The following MGAT4C variants were observed in gnomAD, a reference collection of about 807,000 sequenced individuals.
MGAT4C encodes alpha-1,3-mannosyl-glycoprotein 4-beta-N-acetylglucosaminyltransferase C.
Under a neutral mutation model 40.1 loss-of-function variants are expected in MGAT4C, and 19 were observed. The observed-to-expected ratio is 0.47, with a 90% CI of 0.33 to 0.70. The LOEUF is 0.70. MGAT4C is among the 30% of genes least tolerant of loss of function. The pLI is 0.02. For missense variants in MGAT4C, 491 were observed against 563.2 expected, an observed-to-expected ratio of 0.87 and a Z score of 1.30; for synonymous variants, 181 against 187.1, an observed-to-expected ratio of 0.97 and a Z score of 0.27.
intron 1 of MGAT4C, among the ~76,000 whole-genome samples, chr12:86,219,638 C>A (rs1031535821): frequency 2.0e-5 from 3 of 152,134 alleles, no homozygotes. Flanking sequence ...TGATAGAGGT[C>A]ATCATTTCAC....
At chr12:86,052,209 T>C (rs1255879176) in intron 1 of MGAT4C, among the ~76,000 whole-genome samples, 2 of 151,530 alleles carry the variant, frequency 1.3e-5, no homozygotes, top group Non-Finnish European at 3.0e-5. Flanking sequence ...GTTTAAAAAA[T>C]TTCAGATTAA....
intron 2 of MGAT4C, among the ~76,000 whole-genome samples, chr12:86,678,737 T>G (rs929905806): frequency 1.1e-4 from 16 of 152,102 alleles, no homozygotes; most frequent in Non-Finnish European, 2.4e-4. Context: ...ATTTCATCCA[T>G]GTCCCTACAA....
intron 1 of MGAT4C, among the ~76,000 whole-genome samples, chr12:86,217,026 C>T (rs1046089345): frequency 3.9e-5 from 6 of 152,040 alleles, no homozygotes; most frequent in African/African-American, 1.2e-4. Context: ...GATTTCCTCC[C>T]TATAGCACAA....
At chr12:86,465,266 A>G (rs1288170296) in intron 2 of MGAT4C, among the ~76,000 whole-genome samples, 1 of 152,212 alleles carries the variant, frequency 6.6e-6, no homozygotes, top group Non-Finnish European at 1.5e-5. Flanking sequence ...GCAAAACTAT[A>G]AAACTCCTAG....
chr12:86,245,935 C>T (rs1371661385), intron 1 of MGAT4C, among the ~76,000 whole-genome samples: 2 of 152,002 alleles, frequency 1.3e-5, no homozygotes, highest in Non-Finnish European at 2.9e-5. Flanking sequence ...AATTTTAAAA[C>T]AAAAGTTTAC....
intron 2 of MGAT4C, among the ~76,000 whole-genome samples, chr12:86,464,533 T>A (rs1433862475): frequency 1.3e-5 from 2 of 152,178 alleles, no homozygotes; most frequent in African/African-American, 4.8e-5. Flanking sequence ...CACTAAAGTT[T>A]TGCTTTGATG....
chr12:86,238,831 CA>C (rs1951658541), intron 1 of MGAT4C, among the ~76,000 whole-genome samples: 1 of 151,922 alleles, frequency 6.6e-6, no homozygotes, highest in Non-Finnish European at 1.5e-5. Flanking sequence ...AAGTATTATG[CA>C]AACTCATAGT....
intron 1 of MGAT4C, among the ~76,000 whole-genome samples, chr12:86,094,259 A>G (rs1481786038): frequency 1.3e-5 from 2 of 152,176 alleles, no homozygotes; most frequent in Non-Finnish European, 2.9e-5. Flanking sequence ...ATTGGCCAAA[A>G]AAAGGAACTG....
chr12:86,709,533 A>T (rs1950521332), intron 2 of MGAT4C, among the ~76,000 whole-genome samples: 2 of 152,108 alleles, frequency 1.3e-5, no homozygotes, highest in South Asian at 4.1e-4. Flanking sequence ...TACTGTAAGC[A>T]TATATAGAAG....
chr12:86,338,063 G>A (rs2136180519), intron 3 of MGAT4C, among the ~76,000 whole-genome samples: 1 of 152,232 alleles, frequency 6.6e-6, no homozygotes, highest in East Asian at 1.9e-4. Context: ...ACCAAGACAG[G>A]GGAATTGCAA....
intron 2 of MGAT4C, among the ~76,000 whole-genome samples, chr12:86,625,313 A>G (rs1412609640): frequency 6.6e-6 from 1 of 152,124 alleles, no homozygotes. Flanking sequence ...CTTGAGTAGT[A>G]TTTTTATTGC....
chr12:86,637,007 G>GT (rs1364566550), intron 2 of MGAT4C, among the ~76,000 whole-genome samples: 13 of 151,762 alleles, frequency 8.6e-5, no homozygotes, highest in Admixed American at 8.6e-4. Context: ...GACATATCCT[G>GT]TTTTTTGTCC....
intron 2 of MGAT4C, among the ~76,000 whole-genome samples, chr12:86,510,778 C>G (rs1363117652): frequency 6.6e-6 from 1 of 152,156 alleles, no homozygotes; most frequent in East Asian, 1.9e-4. Flanking sequence ...ATCAATTCAA[C>G]AAGAAGAGCT....
At chr12:86,245,449 A>G (rs1951986093) in intron 1 of MGAT4C, among the ~76,000 whole-genome samples, 1 of 152,036 alleles carries the variant, frequency 6.6e-6, no homozygotes, top group African/African-American at 2.4e-5. Context: ...GAACTTCGTT[A>G]TATTTTGGCC....
At chr12:86,513,727 A>C (rs996802697) in intron 2 of MGAT4C, among the ~76,000 whole-genome samples, 16 of 152,108 alleles carry the variant, frequency 1.1e-4, no homozygotes, top group African/African-American at 3.6e-4. Flanking sequence ...AAATGGCCAA[A>C]ATCAACTTTT....
At chr12:86,647,793 G>A (rs978339292) in intron 2 of MGAT4C, among the ~76,000 whole-genome samples, 6 of 151,940 alleles carry the variant, frequency 3.9e-5, no homozygotes, top group African/African-American at 1.2e-4. Flanking sequence ...CCTAATGAAC[G>A]TTTATCAGCA....
chr12:86,488,608 G>A (rs1188865942), intron 2 of MGAT4C, among the ~76,000 whole-genome samples: 2 of 151,910 alleles, frequency 1.3e-5, no homozygotes, highest in Admixed American at 1.3e-4. Flanking sequence ...GAGTTTCAGT[G>A]GTCTTCAGTT....
At chr12:86,737,763 A>T (rs1951010119) in intron 1 of MGAT4C, among the ~76,000 whole-genome samples, 1 of 151,488 alleles carries the variant, frequency 6.6e-6, no homozygotes, top group South Asian at 2.1e-4. Context: ...CAGTTAAAAA[A>T]AAAACAGACT....
chr12:86,536,851 A>T (rs1232051562), intron 2 of MGAT4C, among the ~76,000 whole-genome samples: 8 of 152,258 alleles, frequency 5.3e-5, no homozygotes, highest in Admixed American at 5.2e-4. Flanking sequence ...CATTTGACCC[A>T]GCCATCCCAT....
Sources: gnomAD v4.1 joint callset for allele counts (sites outside exome capture counted in the v4.1 genomes callset) on GRCh38, gnomAD v4.1.1 for gene constraint, MANE v1.5 for transcripts, NCBI Gene and HGNC (gene_info 2026-07-23, HGNC 2026-07-21) for gene names.